Variants in CYRIA observed in about 807,000 individuals in gnomAD.
The protein encoded by CYRIA is CYFIP related Rac1 interactor A, also known as CYFIP-related Rac1 interactor A.
Under a neutral mutation model 43.9 loss-of-function variants are expected in CYRIA, and 15 were observed. That is an observed-to-expected ratio of 0.34 (90% CI 0.23 to 0.53). The LOEUF is 0.53. Among genes scored for constraint, CYRIA ranks in the 20% least tolerant of loss-of-function variants. The pLI, the probability that CYRIA is intolerant of heterozygous loss-of-function variation, is 0.94. For synonymous variants in CYRIA, 117 were observed against 136.0 expected (o/e 0.86, Z 0.97); for missense variants, 236 against 394.2 (o/e 0.60, Z 3.40).
chr2:16,604,766 C>T (rs1472600428), intron 2 of CYRIA, among the ~76,000 whole-genome samples: 2 of 152,132 alleles, frequency 1.3e-5, no homozygotes, highest in Admixed American at 1.3e-4. Flanking sequence ...TTTTAGATGG[C>T]GGGGCTGGGC....
At chr2:16,652,402 C>G (rs1222846888) in intron 1 of CYRIA, among the ~76,000 whole-genome samples, 3 of 152,192 alleles carry the variant, frequency 2.0e-5, no homozygotes, top group Admixed American at 6.5e-5. Flanking sequence ...CTGAGCCTCA[C>G]TGGGGCCAAA....
intron 10 of CYRIA, among the ~76,000 whole-genome samples, chr2:16,556,082 T>C (rs971470946): frequency 2.6e-5 from 4 of 152,168 alleles, no homozygotes; most frequent in African/African-American, 9.7e-5. Context: ...GCAAAGCTAT[T>C]CATATGCTGT....
intron 2 of CYRIA, among the ~76,000 whole-genome samples, chr2:16,613,337 C>T (rs1668668791): frequency 6.6e-6 from 1 of 152,144 alleles, no homozygotes; most frequent in Non-Finnish European, 1.5e-5. Flanking sequence ...ATAATGCATA[C>T]CTGAGCAGAC....
chr2:16,552,699 C>T lies in CYRIA; in HGVS notation c.*237G>A, dbSNP rs537571322. On this transcript the variant is annotated 3_prime_UTR_variant, in exon 12 of 12. Coordinates refer to ENST00000381323, the MANE Select transcript of CYRIA (RefSeq NM_030797.4). Reference sequence around the variant, plus strand: ...CTCCAGTAGCAAAGATCAAAGTCTCCGAATTTTGCCTTTGGAGAAGGGGGT... The same window carrying T: ...CTCCAGTAGCAAAGATCAAAGTCTCTGAATTTTGCCTTTGGAGAAGGGGGT... 1.9e-5 allele frequency: 9 copies of T among 463,552 alleles called. No homozygotes were observed. Among genetic ancestry groups the T allele is most frequent in the African/African-American group, 1.0e-4 (5 of 49,864 alleles). The allele number at this position is 463,552 out of a possible 1,614,324, so 28.7% of individuals were successfully genotyped here.
Position 16,566,258 on chromosome 2 carries a change from C to T in CYRIA, c.71-491G>A, listed in dbSNP as rs569835493. 1.2e-3 allele frequency among the ~76,000 whole-genome samples: 186 copies of T among 152,228 alleles called. 2 individuals carry two copies. The highest frequency in any genetic ancestry group is 4.3e-3 in the African/African-American group (179 of 41,544). On this transcript the variant is annotated intron_variant, in intron 3 of 11. Transcript: ENST00000381323. ...CACATTCATAATGTTGTACAACCAT[C>T]GCCACACTCCATCTCCATGACTCCT...
At chr2:16,613,349 C>G (rs1433966498) in intron 2 of CYRIA, among the ~76,000 whole-genome samples, 1 of 152,202 alleles carries the variant, frequency 6.6e-6, no homozygotes, top group African/African-American at 2.4e-5. Flanking sequence ...TGAGCAGACA[C>G]AGAGGACCCT....
rs1667330260 is a variant in CYRIA at position 16,575,937 on chromosome 2, T to C, written c.71-10170A>G. ...GCAGTTCCCCTGCACAAGCTCTCTC[T>C]CTTTGCCTGCTGCCATCCAGGTAAG... On this transcript the variant is annotated intron_variant, in intron 3 of 11. Coordinates refer to ENST00000381323, the MANE Select transcript of CYRIA (RefSeq NM_030797.4). Among the ~76,000 whole-genome samples, 3 of 152,168 alleles carry C rather than the reference T, an allele frequency of 2.0e-5. No individual in the cohort carries two copies. In the South Asian group the frequency reaches 6.2e-4, roughly 32 times the overall value.
chr2:16,565,410 T>TC (rs1666892038), intron 4 of CYRIA, among the ~76,000 whole-genome samples: 2 of 152,182 alleles, frequency 1.3e-5, no homozygotes, highest in Non-Finnish European at 2.9e-5. Flanking sequence ...GGTCTTGAAC[T>TC]CCTGACCTCA....
chr2:16,587,190 T>A (rs1667759965), intron 3 of CYRIA, among the ~76,000 whole-genome samples: 1 of 152,142 alleles, frequency 6.6e-6, no homozygotes, highest in Non-Finnish European at 1.5e-5. Flanking sequence ...CTAAAAATAT[T>A]CTGTAAGCCT....
chr2:16,614,579 T>C lies in CYRIA; in HGVS notation c.-11+9285A>G, dbSNP rs189587768. On this transcript the variant is annotated intron_variant, in intron 2 of 11. Transcript: ENST00000381323. ...CAAGCCTCCCAGACAGATCAAGCAC[T>C]GTTTGGGCTATTTCTTCATTCCACT... Among the ~76,000 whole-genome samples, 3 of 152,300 alleles carry C rather than the reference T, an allele frequency of 2.0e-5. No individual in the cohort carries two copies. The East Asian group carries it at 5.8e-4, about 29-fold the overall frequency.
At position 16,561,990 on chromosome 2, in the gene CYRIA, C is replaced by T; in HGVS notation, c.435+15G>A. On this transcript the variant is annotated intron_variant, in intron 6 of 11. Transcript: ENST00000381323. ...GTACAAGTTTATTAAATTTTCACAGCACATTTGGCCTAACCTTCAGCTCAT... is the reference window on the plus strand; with the variant it reads ...GTACAAGTTTATTAAATTTTCACAGTACATTTGGCCTAACCTTCAGCTCAT... 6.2e-7 allele frequency: 1 copy of T among 1,606,176 alleles called. No individual in the cohort carries two copies. The highest frequency in any genetic ancestry group is 8.5e-7 in the Non-Finnish European group (1 of 1,176,548).
At chr2:16,608,539 A>T (rs777301668) in intron 2 of CYRIA, among the ~76,000 whole-genome samples, 30 of 152,216 alleles carry the variant, frequency 2.0e-4, no homozygotes, top group Non-Finnish European at 4.3e-4. Context: ...CTAAAAAGGA[A>T]AGGGAATCAT....
rs965453811 is a variant in CYRIA, at chr2:16,549,769, G to A, written c.*3167C>T. 3 of 152,088 alleles carry A rather than the reference G, an allele frequency of 2.0e-5. No individual in the cohort carries two copies. Among genetic ancestry groups the A allele is most frequent in the Non-Finnish European group, 2.9e-5 (2 of 68,016 alleles). 9.4% of individuals were successfully genotyped at this position (152,088 alleles called of 1,614,324 possible). ...CACAATTGGATCCTAAGATTGGGAGGCTTAATTTTTCTTTGGGGAAAACAT... is the reference window on the plus strand; with the variant it reads ...CACAATTGGATCCTAAGATTGGGAGACTTAATTTTTCTTTGGGGAAAACAT... On this transcript the variant is annotated 3_prime_UTR_variant, in exon 12 of 12. Transcript: ENST00000381323.
At chr2:16,609,959 C>G (rs1668535018) in intron 2 of CYRIA, among the ~76,000 whole-genome samples, 1 of 152,196 alleles carries the variant, frequency 6.6e-6, no homozygotes, top group African/African-American at 2.4e-5. Flanking sequence ...CATCTGGACA[C>G]TAAACCTCTA....
chr2:16,582,566 T>C (rs2103448801), intron 3 of CYRIA, among the ~76,000 whole-genome samples: 1 of 152,320 alleles, frequency 6.6e-6, no homozygotes, highest in Non-Finnish European at 1.5e-5. Flanking sequence ...TCTTTCTGTC[T>C]CGACAAATTT....
intron 3 of CYRIA, among the ~76,000 whole-genome samples, chr2:16,578,372 A>C (rs1027620894): frequency 6.6e-6 from 1 of 152,206 alleles, no homozygotes; most frequent in African/African-American, 2.4e-5. Flanking sequence ...TAACAAACAC[A>C]AAGCAAGAAA....
chr2:16,567,982 G>A (rs1299177283), intron 3 of CYRIA, among the ~76,000 whole-genome samples: 1 of 152,024 alleles, frequency 6.6e-6, no homozygotes, highest in Non-Finnish European at 1.5e-5. Context: ...AGCAAGGCTG[G>A]GGAAACAAAC....
At chr2:16,626,096 A>T (rs1218103603) in intron 1 of CYRIA, among the ~76,000 whole-genome samples, 2 of 152,084 alleles carry the variant, frequency 1.3e-5, no homozygotes, top group African/African-American at 4.8e-5. Flanking sequence ...ATTGTAAAGA[A>T]TGACAGTCAC....
chr2:16,555,384 C>A (rs1295620384), intron 10 of CYRIA, among the ~76,000 whole-genome samples: 2 of 152,024 alleles, frequency 1.3e-5, no homozygotes, highest in Non-Finnish European at 2.9e-5. Flanking sequence ...ATTTCACTTG[C>A]CTGGCTTTAG....
Sources: gnomAD v4.1 joint callset for allele counts (sites outside exome capture counted in the v4.1 genomes callset) on GRCh38, gnomAD v4.1.1 for gene constraint, MANE v1.5 for transcripts, NCBI Gene and HGNC (gene_info 2026-07-23, HGNC 2026-07-21) for gene names.